Variants in ADCYAP1R1 observed in about 807,000 individuals in gnomAD.
The protein encoded by ADCYAP1R1 is ADCYAP receptor type I.
Under a neutral mutation model 67.6 loss-of-function variants are expected in ADCYAP1R1, and 44 were observed. That is an observed-to-expected ratio of 0.65 (90% CI 0.51 to 0.84). The LOEUF (loss-of-function observed/expected upper bound fraction) is 0.84. ADCYAP1R1 is among the 40% of genes least tolerant of loss of function. The pLI, the probability that ADCYAP1R1 is intolerant of heterozygous loss-of-function variation, is 0.00. For synonymous variants in ADCYAP1R1, 222 were observed against 219.6 expected, an observed-to-expected ratio of 1.01 and a Z score of -0.10; for missense variants, 477 against 587.9, an observed-to-expected ratio of 0.81 and a Z score of 1.95.
chr7:31,055,175 T>A (rs1309059353), intron 1 of ADCYAP1R1, among the ~76,000 whole-genome samples: 2 of 151,884 alleles, frequency 1.3e-5, no homozygotes, highest in Non-Finnish European at 2.9e-5. Flanking sequence ...TGGGGCACAA[T>A]AGTGACAAGC....
At chr7:31,055,328 A>AGC (rs1174675196) in intron 1 of ADCYAP1R1, among the ~76,000 whole-genome samples, 2 of 148,312 alleles carry the variant, frequency 1.3e-5, no homozygotes, top group African/African-American at 4.9e-5. Context: ...AATGGAGGAA[A>AGC]GTGTGTGTGT....
Position 31,078,050 on chromosome 7 carries a change from G to A in ADCYAP1R1, c.217G>A (p.Val73Ile). The A allele has an allele frequency of 6.2e-7, 1 of 1,613,330 alleles. No homozygotes were observed. Among genetic ancestry groups the A allele is most frequent in the Non-Finnish European group, 8.5e-7 (1 of 1,179,548 alleles). ...CWKPAHVGEM[V>I]LVSCPELFRI... ...GAAGCCCGCCCATGTGGGTGAGATGGTCCTGGTCAGCTGCCCTGAGCTCTT... is the reference window on the plus strand; with the variant it reads ...GAAGCCCGCCCATGTGGGTGAGATGATCCTGGTCAGCTGCCCTGAGCTCTT... Residue 73 changes from valine to isoleucine, a missense_variant, in exon 4 of 16, where the codon GTC becomes ATC. Transcript: ENST00000304166.
Position 31,086,473 on chromosome 7 carries a change from T to C in ADCYAP1R1, c.759T>C (p.Thr253=), listed in dbSNP as rs759210023. Residue 253 remains threonine (T), a synonymous_variant, in exon 10 of 16, where the codon ACT becomes ACC. Coordinates refer to ENST00000304166, the MANE Select transcript of ADCYAP1R1 (RefSeq NM_001118.5). This position sits in a 1 kb window ranked among gnomAD's most constrained non-coding sequence, Gnocchi z 5.0. ...WLFIEGLYLF[T]LLVETFFPER... is the part of the protein sequence containing the mutation. ...TCATCGAGGGCCTGTACCTCTTCACTCTGCTGGTGGAGACCTTCTTCCCTG... is the reference window on the plus strand; with the variant it reads ...TCATCGAGGGCCTGTACCTCTTCACCCTGCTGGTGGAGACCTTCTTCCCTG... 6 of 1,614,212 alleles carry C rather than the reference T, an allele frequency of 3.7e-6. No homozygotes were observed. In the South Asian group the frequency reaches 6.6e-5, roughly 18 times the overall value.
chr7:31,089,827 A>G (rs536653181), intron 12 of ADCYAP1R1, among the ~76,000 whole-genome samples: 19 of 152,244 alleles, frequency 1.2e-4, no homozygotes, highest in African/African-American at 4.1e-4. Flanking sequence ...TTGGGGGTGC[A>G]TTTCTGGGAT....
intron 13 of ADCYAP1R1, among the ~76,000 whole-genome samples, chr7:31,096,125 T>G (rs1366953514): frequency 2.0e-5 from 3 of 152,042 alleles, no homozygotes; most frequent in Non-Finnish European, 4.4e-5. Flanking sequence ...AGGTGAGGCT[T>G]CCAGGGTAGA....
rs1796679939 is a variant in ADCYAP1R1, at chr7:31,107,106, C to T, written c.*422C>T. 1 of 165,086 alleles carries T rather than the reference C, an allele frequency of 6.1e-6. No homozygotes were observed. The highest frequency in any genetic ancestry group is 2.4e-5 in the African/African-American group (1 of 41,856). The allele number at this position is 165,086 out of a possible 1,614,324, so 10.2% of individuals were successfully genotyped here. On this transcript the variant is annotated 3_prime_UTR_variant, in exon 16 of 16. Transcript: ENST00000304166. ...TGTGGGAGCTGGGGTGGTACCTGCC[C>T]CAACAGCCCCCCATCATCTGATTTT...
chr7:31,107,500 C>T lies in ADCYAP1R1; in HGVS notation c.*816C>T, dbSNP rs1796697765. Reference sequence around the variant, plus strand: ...TTCGCCATCTCCATTGTTTTACCCCCAGCTCAAGATGGACAGGGTTCTTCT... The same window carrying T: ...TTCGCCATCTCCATTGTTTTACCCCTAGCTCAAGATGGACAGGGTTCTTCT... On this transcript the variant is annotated 3_prime_UTR_variant, in exon 16 of 16. Coordinates refer to ENST00000304166, the MANE Select transcript of ADCYAP1R1 (RefSeq NM_001118.5). 6.6e-6 allele frequency: 1 copy of T among 152,230 alleles called. No individual in the cohort carries two copies. The highest frequency in any genetic ancestry group is 6.5e-5 in the Admixed American group (1 of 15,278). The allele number at this position is 152,230 out of a possible 1,614,324, so 9.4% of individuals were successfully genotyped here.
intron 1 of ADCYAP1R1, among the ~76,000 whole-genome samples, chr7:31,054,540 TG>T (rs2128611093): frequency 6.6e-6 from 1 of 152,260 alleles, no homozygotes; most frequent in South Asian, 2.1e-4. Context: ...AATACACACA[TG>T]GGAGTTTATA....
chr7:31,067,899 G>T (rs1584487236), intron 3 of ADCYAP1R1, among the ~76,000 whole-genome samples: 2 of 152,306 alleles, frequency 1.3e-5, no homozygotes, highest in Admixed American at 1.3e-4. Flanking sequence ...TTGGAGTGTT[G>T]GGGGTTTCCA....
chr7:31,086,372 T>G lies in ADCYAP1R1; in HGVS notation c.670-12T>G. ...GGGCTCACGCCCCTCACCCTGGCGC[T>G]TCTCCCTGCAGGTGGAATGTAAGGC... On this transcript the variant is annotated splice_polypyrimidine_tract_variant and intron_variant, in intron 9 of 15. Coordinates refer to ENST00000304166, the MANE Select transcript of ADCYAP1R1 (RefSeq NM_001118.5). This position sits in a 1 kb window ranked among gnomAD's most constrained non-coding sequence, Gnocchi z 5.0. 6.2e-7 allele frequency: 1 copy of G among 1,613,338 alleles called. No homozygotes were observed. The highest frequency in any genetic ancestry group is 2.2e-5 in the East Asian group (1 of 44,886).
chr7:31,106,942 A>C lies in ADCYAP1R1; in HGVS notation c.*258A>C. On this transcript the variant is annotated 3_prime_UTR_variant, in exon 16 of 16. Transcript: ENST00000304166. Reference sequence around the variant, plus strand: ...TCCTCAAATTTGGAAAAGTTGTCCCATCCCTTCCCCCTTTGCCCCAGTGTC... The same window carrying C: ...TCCTCAAATTTGGAAAAGTTGTCCCCTCCCTTCCCCCTTTGCCCCAGTGTC... 2.2e-6 allele frequency: 1 copy of C among 461,940 alleles called. No individual in the cohort carries two copies. The highest frequency in any genetic ancestry group is 3.8e-6 in the Non-Finnish European group (1 of 264,480). The allele number at this position is 461,940 out of a possible 1,614,324, so 28.6% of individuals were successfully genotyped here.
Position 31,104,924 on chromosome 7 carries a change from C to T in ADCYAP1R1, c.1218+15C>T. The T allele has an allele frequency of 6.2e-7, 1 of 1,614,094 alleles. No individual in the cohort carries two copies. The highest frequency in any genetic ancestry group is 8.5e-7 in the Non-Finnish European group (1 of 1,179,944). ...TGAATGGTGAGGTAAGACCTTGGCC[C>T]TCTGGCTTCTTGGCAGTGGAAGTGG... On this transcript the variant is annotated intron_variant, in intron 15 of 15. Transcript: ENST00000304166.
intron 15 of ADCYAP1R1, 152 bp from the exon 16 acceptor site, chr7:31,106,344 T>C: frequency 2.2e-6 from 2 of 916,574 alleles, no homozygotes; most frequent in Non-Finnish European, 3.2e-6. Context: ...AAGCCCCCAC[T>C]GGAGACCTTG....
intron 3 of ADCYAP1R1, among the ~76,000 whole-genome samples, chr7:31,077,418 G>A (rs1584503204): frequency 3.4e-5 from 2 of 58,922 alleles, no homozygotes; most frequent in South Asian, 9.4e-4. Context: ...TGTGTGTGAT[G>A]TGTGTGTGGT....
chr7:31,068,226 C>A (rs1309340827), intron 3 of ADCYAP1R1, among the ~76,000 whole-genome samples: 1 of 152,132 alleles, frequency 6.6e-6, no homozygotes, highest in Non-Finnish European at 1.5e-5. Context: ...CACACACACA[C>A]ACACACACAC....
intron 15 of ADCYAP1R1, 125 bp downstream of exon 15, chr7:31,105,034 C>A: frequency 2.0e-6 from 2 of 996,784 alleles, no homozygotes; most frequent in Non-Finnish European, 3.2e-6. Flanking sequence ...GCTCCCAGCA[C>A]TGAGAGGAGG....
At chr7:31,080,328 G>A (rs893502792) in intron 4 of ADCYAP1R1, among the ~76,000 whole-genome samples, 2 of 152,190 alleles carry the variant, frequency 1.3e-5, no homozygotes, top group African/African-American at 4.8e-5. Flanking sequence ...CAGGTAGCCT[G>A]TTGTGATGAC....
At chr7:31,097,657 A>T (rs954457313) in intron 13 of ADCYAP1R1, among the ~76,000 whole-genome samples, 3 of 125,784 alleles carry the variant, frequency 2.4e-5, no homozygotes, top group Admixed American at 7.5e-5. Flanking sequence ...AAAAATCCTT[A>T]AAAAAAATCA....
intron 5 of ADCYAP1R1, among the ~76,000 whole-genome samples, chr7:31,081,331 C>CA (rs1324599509): frequency 2.6e-5 from 4 of 152,138 alleles, no homozygotes; most frequent in African/African-American, 9.7e-5. Context: ...AAGGAAACCC[C>CA]AAGCCCTGGG....
Sources: allele counts gnomAD v4.1 joint callset (sites outside exome capture counted in the v4.1 genomes callset), GRCh38; gene constraint gnomAD v4.1.1; non-coding constraint Gnocchi (gnomAD v3.1); transcripts MANE v1.5; gene names NCBI Gene and HGNC (gene_info 2026-07-23, HGNC 2026-07-21).